Variants in HSD17B12 observed in about 807,000 individuals in gnomAD.
The protein encoded by HSD17B12 is hydroxysteroid 17-beta dehydrogenase 12.
A neutral mutation model predicts 39.3 loss-of-function variants in HSD17B12; 32 were observed. That is an observed-to-expected ratio of 0.81 (90% CI 0.61 to 1.09). The LOEUF is 1.09. Ranked by LOEUF, HSD17B12 falls within the 50% of genes least tolerant of loss-of-function variation. The pLI is 0.00. For missense variants in HSD17B12, 342 were observed against 382.9 expected, an observed-to-expected ratio of 0.89 and a Z score of 0.89; for synonymous variants, 150 against 146.7, an observed-to-expected ratio of 1.02 and a Z score of -0.16.
At chr11:43,585,920 T>A in the HSD17B12 span, among the ~76,000 whole-genome samples, 1 of 152,186 alleles carries the variant, frequency 6.6e-6, no homozygotes, top group African/African-American at 2.4e-5. Flanking sequence ...ATGGATAGAC[T>A]AAACCTCAAA....
the HSD17B12 span, among the ~76,000 whole-genome samples, chr11:43,578,180 G>A: frequency 6.6e-6 from 1 of 152,190 alleles, no homozygotes; most frequent in Middle Eastern, 3.2e-3. Flanking sequence ...ATTTGTGTAC[G>A]TGCAGGAATA....
At chr11:43,674,190 A>T in the HSD17B12 span, among the ~76,000 whole-genome samples, 1 of 152,356 alleles carries the variant, frequency 6.6e-6, no homozygotes, top group East Asian at 1.9e-4. Flanking sequence ...ATGTTTGGTT[A>T]GTATGGCTCT....
intron 9 of HSD17B12, among the ~76,000 whole-genome samples, chr11:43,841,066 C>T (rs1474925565): frequency 6.6e-6 from 1 of 152,150 alleles, no homozygotes; most frequent in East Asian, 1.9e-4. Context: ...TTATAATAGC[C>T]ATCATAACGG....
intron 1 of HSD17B12, among the ~76,000 whole-genome samples, chr11:43,730,008 C>A (rs1376994838): frequency 6.7e-6 from 1 of 149,770 alleles, no homozygotes; most frequent in Non-Finnish European, 1.5e-5. Context: ...ACAGCTCTGA[C>A]TTGACATACT....
chr11:43,768,887 A>G (rs1001235665), intron 3 of HSD17B12, among the ~76,000 whole-genome samples: 4 of 152,138 alleles, frequency 2.6e-5, no homozygotes, highest in Non-Finnish European at 4.4e-5. Flanking sequence ...TGATTGGTCC[A>G]TTTTTACAGA....
intron 4 of HSD17B12, among the ~76,000 whole-genome samples, chr11:43,812,367 T>G (rs1483842971): frequency 6.6e-6 from 1 of 152,246 alleles, no homozygotes; most frequent in Non-Finnish European, 1.5e-5. Flanking sequence ...TTTCTCTGCG[T>G]CCTTGCCAGC....
the HSD17B12 span, among the ~76,000 whole-genome samples, chr11:43,648,074 C>T: frequency 6.6e-6 from 1 of 151,096 alleles, no homozygotes; most frequent in Non-Finnish European, 1.5e-5. Context: ...TATGTCCTAC[C>T]AGTTAAAGGA....
chr11:43,733,778 A>T, intron 1 of HSD17B12: 1 of 692,024 alleles, frequency 1.4e-6, no homozygotes, highest in Non-Finnish European at 2.6e-6. Flanking sequence ...AAAGTGTTTG[A>T]GTCCATTGGC....
chr11:43,796,210 G>A (rs1950914778), intron 3 of HSD17B12, among the ~76,000 whole-genome samples: 1 of 152,090 alleles, frequency 6.6e-6, no homozygotes, highest in Non-Finnish European at 1.5e-5. Flanking sequence ...TGAGTGAGAG[G>A]GAAATCTCTG....
At position 43,748,358 on chromosome 11, in the gene HSD17B12, G is replaced by A. The variant is rs1368111172; in HGVS notation, c.161-2553G>A. Among the ~76,000 whole-genome samples, 3 of 152,110 alleles carry A rather than the reference G, an allele frequency of 2.0e-5. No individual in the cohort carries two copies. In the South Asian group the frequency reaches 6.2e-4, roughly 32 times the overall value. On this transcript the variant is annotated intron_variant, in intron 1 of 10. Transcript: ENST00000278353. The stretch of plus-strand genomic sequence containing the variant: ...CATAATCTTAAGCAAATTAACACAG[G>A]AACAGAAGACCAAATACTGCATGTT...
At chr11:43,601,202 T>C in the HSD17B12 span, among the ~76,000 whole-genome samples, 1 of 152,272 alleles carries the variant, frequency 6.6e-6, no homozygotes, top group African/African-American at 2.4e-5. Context: ...TATCATCTTA[T>C]GAACTCATGT....
At chr11:43,849,971 G>A (rs973818629) in intron 9 of HSD17B12, among the ~76,000 whole-genome samples, 1 of 152,182 alleles carries the variant, frequency 6.6e-6, no homozygotes, top group African/African-American at 2.4e-5. Context: ...ATCTTTGGAG[G>A]TAGGTTATTT....
At chr11:43,737,005 C>T (rs947295042) in intron 1 of HSD17B12, among the ~76,000 whole-genome samples, 2 of 152,158 alleles carry the variant, frequency 1.3e-5, no homozygotes, top group Non-Finnish European at 2.9e-5. Flanking sequence ...TCTATTCCTA[C>T]CACCCTCCTC....
chr11:43,753,571 AAAT>A (rs1950484421), intron 2 of HSD17B12, among the ~76,000 whole-genome samples: 1 of 150,898 alleles, frequency 6.6e-6, no homozygotes. Flanking sequence ...AAAAAAAAAA[AAAT>A]TTTTTTTTTT....
chr11:43,705,031 A>G (rs1435641087), intron 1 of HSD17B12, among the ~76,000 whole-genome samples: 1 of 152,244 alleles, frequency 6.6e-6, no homozygotes, highest in Non-Finnish European at 1.5e-5. Context: ...TTCAGTAGAA[A>G]AGGAGGGAAA....
chr11:43,681,016 C>A (rs907052167), intron 1 of HSD17B12, 29 bp downstream of exon 1: 4 of 1,558,550 alleles, frequency 2.6e-6, no homozygotes, highest in Non-Finnish European at 3.5e-6. Flanking sequence ...CGCGTCCTCG[C>A]TCCCGCGGCG....
intron 6 of HSD17B12, among the ~76,000 whole-genome samples, chr11:43,826,738 A>G (rs1565103383): frequency 6.6e-6 from 1 of 152,180 alleles, no homozygotes; most frequent in Non-Finnish European, 1.5e-5. Flanking sequence ...TCTATTAGCT[A>G]TACAGGTGAG....
the HSD17B12 span, chr11:43,645,616 T>C: frequency 6.6e-6 from 1 of 152,234 alleles, no homozygotes; most frequent in African/African-American, 2.4e-5. Flanking sequence ...CATATATCAT[T>C]AAAAAGCCCT....
At position 43,681,040 on chromosome 11, in the gene HSD17B12, C is replaced by A. The variant is rs149791533; in HGVS notation, c.160+53C>A. The A allele has an allele frequency of 2.7e-3, 4,083 of 1,503,536 alleles. 106 individuals are homozygous for A. The African/African-American group carries it at 0.049, about 18-fold the overall frequency. 93.1% of individuals were successfully genotyped at this position (1,503,536 alleles called of 1,614,324 possible). A position where few individuals can be genotyped will look rare whatever the true frequency, so the allele number is the denominator to read the frequency against. On this transcript the variant is annotated intron_variant, in intron 1 of 10. Coordinates refer to ENST00000278353, the MANE Select transcript of HSD17B12 (RefSeq NM_016142.3). ...GCTCCCGCGGCGGCCCGGACCAGGC[C>A]TGGGCCGTGATGACTAGTTCTGGGG...
Sources: gnomAD v4.1 joint callset for allele counts (sites outside exome capture counted in the v4.1 genomes callset) on GRCh38, gnomAD v4.1.1 for gene constraint, MANE v1.5 for transcripts, NCBI Gene and HGNC (gene_info 2026-07-23, HGNC 2026-07-21) for gene names.